Variants in SHLD1 observed in about 807,000 individuals in gnomAD.
SHLD1 encodes shieldin complex subunit 1, also known as RINN1-REV7-interacting novel NHEJ regulator 3.
In SHLD1, 3 loss-of-function variants were observed where a neutral mutation model predicts 5.5. That is an observed-to-expected ratio of 0.54 (90% CI 0.25 to 1.40). SHLD1 has a LOEUF of 1.40. SHLD1 is among the 40% of genes most tolerant of loss of function. SHLD1 has a pLI of 0.15. For missense variants in SHLD1, 210 were observed against 244.4 expected (o/e 0.86, Z 0.94); for synonymous variants, 92 against 94.3 (o/e 0.98, Z 0.14).
At chr20:5,785,270 A>G (rs6053684) in intron 2 of SHLD1, among the ~76,000 whole-genome samples, 8,658 of 152,244 alleles carry the variant, frequency 0.057, 335 homozygotes, top group African/African-American at 0.11. Context: ...GCACTGTGCT[A>G]TGCATTTCAC....
intron 2 of SHLD1, among the ~76,000 whole-genome samples, chr20:5,819,927 T>C (rs2087585704): frequency 6.6e-6 from 1 of 152,148 alleles, no homozygotes; most frequent in South Asian, 2.1e-4. Flanking sequence ...AATGAGGACT[T>C]GACAGTGTTT....
intron 2 of SHLD1, among the ~76,000 whole-genome samples, chr20:5,837,198 A>G (rs569354160): frequency 1.3e-5 from 2 of 152,256 alleles, no homozygotes; most frequent in African/African-American, 4.8e-5. Flanking sequence ...GTATGGGTAA[A>G]ATTAGGATAC....
chr20:5,813,945 C>CTTTTTT (rs143110037), intron 2 of SHLD1, among the ~76,000 whole-genome samples: 274 of 79,994 alleles, frequency 3.4e-3, no homozygotes, highest in African/African-American at 4.2e-3. Context: ...CCTTTTCTTT[C>CTTTTTT]TTTTTTTTTT....
rs146579284 is a variant in SHLD1, at chr20:5,834,893, G to A, written c.179-28131G>A. Reference sequence around the variant, plus strand: ...GCCTTTACATGGTGGAAGGGGCAGGGGGGCTTTCTGGGGTCTCCTTTATGA... The same window carrying A: ...GCCTTTACATGGTGGAAGGGGCAGGAGGGCTTTCTGGGGTCTCCTTTATGA... On this transcript the variant is annotated intron_variant, in intron 2 of 2. Transcript: ENST00000303142. Among the ~76,000 whole-genome samples, 400 of 152,252 alleles carry A rather than the reference G, an allele frequency of 2.6e-3. 2 individuals are homozygous for A. Among genetic ancestry groups the A allele is most frequent in the African/African-American group, 8.9e-3 (368 of 41,546 alleles).
chr20:5,854,843 C>A (rs566393877), intron 2 of SHLD1, among the ~76,000 whole-genome samples: 1 of 145,184 alleles, frequency 6.9e-6, no homozygotes, highest in Non-Finnish European at 1.5e-5. Context: ...CTTCTGGTAA[C>A]CACCATTCTG....
At position 5,779,761 on chromosome 20, in the gene SHLD1, G is replaced by GGC. The variant is rs1214736195; in HGVS notation, c.178+6719_178+6720dup. Among the ~76,000 whole-genome samples, 47 of 152,250 alleles carry GGC rather than the reference G, an allele frequency of 3.1e-4. 1 individual carries two copies. The highest frequency in any genetic ancestry group is 1.1e-3 in the African/African-American group (45 of 41,554). On this transcript the variant is annotated intron_variant, in intron 2 of 2. Transcript: ENST00000303142. The stretch of plus-strand genomic sequence containing the variant: ...GCCCATCCTGGTATTTACTCAGTGA[G>GGC]GCACACACTGTTGGCTACCTTCATG...
intron 2 of SHLD1, among the ~76,000 whole-genome samples, chr20:5,830,208 C>A (rs1054024349): frequency 6.6e-6 from 1 of 152,202 alleles, no homozygotes; most frequent in African/African-American, 2.4e-5. Flanking sequence ...ACGGCCCTAA[C>A]TAGAAACTCT....
intron 1 of SHLD1, among the ~76,000 whole-genome samples, chr20:5,753,186 A>T (rs1983864034): frequency 6.6e-6 from 1 of 152,204 alleles, no homozygotes; most frequent in Non-Finnish European, 1.5e-5. Context: ...GCCACATTAT[A>T]CCAGGTTAAT....
chr20:5,835,269 T>C (rs888020761), intron 2 of SHLD1, among the ~76,000 whole-genome samples: 1 of 152,184 alleles, frequency 6.6e-6, no homozygotes, highest in African/African-American at 2.4e-5. Flanking sequence ...TGATGGTGAT[T>C]TGGGATTGTT....
chr20:5,839,711 T>C (rs1365953225), intron 2 of SHLD1, among the ~76,000 whole-genome samples: 1 of 152,224 alleles, frequency 6.6e-6, no homozygotes, highest in Non-Finnish European at 1.5e-5. Flanking sequence ...GCATCCAACA[T>C]AGCTTCCCAA....
chr20:5,759,205 G>A (rs900998009), intron 1 of SHLD1, among the ~76,000 whole-genome samples: 2 of 150,912 alleles, frequency 1.3e-5, no homozygotes, highest in African/African-American at 2.4e-5. Flanking sequence ...CGCCCACCTC[G>A]GCCTCCCAAA....
At chr20:5,846,006 T>A (rs1342078739) in intron 2 of SHLD1, among the ~76,000 whole-genome samples, 1 of 152,232 alleles carries the variant, frequency 6.6e-6, no homozygotes, top group African/African-American at 2.4e-5. Flanking sequence ...TGATATGGAA[T>A]GAAATCTGTT....
chr20:5,804,459 A>G (rs758394546), intron 2 of SHLD1, among the ~76,000 whole-genome samples: 6 of 151,866 alleles, frequency 4.0e-5, no homozygotes, highest in Non-Finnish European at 5.9e-5. Context: ...TGTTTTTTAC[A>G]TGACCTTGTG....
intron 1 of SHLD1, among the ~76,000 whole-genome samples, chr20:5,756,279 CCATCTT>C (rs1437077974): frequency 6.6e-6 from 1 of 151,518 alleles, no homozygotes; most frequent in Non-Finnish European, 1.5e-5. Flanking sequence ...AGTGAGACCC[CCATCTT>C]TACAAAAAAA....
intron 2 of SHLD1, among the ~76,000 whole-genome samples, chr20:5,857,339 C>G (rs1299594790): frequency 6.6e-6 from 1 of 152,102 alleles, no homozygotes; most frequent in African/African-American, 2.4e-5. Flanking sequence ...TTTAGAGCCA[C>G]ACAAGCCCAG....
chr20:5,833,663 C>G (rs9753618), intron 2 of SHLD1, among the ~76,000 whole-genome samples: 24 of 150,450 alleles, frequency 1.6e-4, no homozygotes, highest in African/African-American at 4.9e-4. Flanking sequence ...GAGAGAGAGA[C>G]AGAGACAGGG....
At chr20:5,753,869 G>A (rs569745673) in intron 1 of SHLD1, among the ~76,000 whole-genome samples, 5 of 152,228 alleles carry the variant, frequency 3.3e-5, no homozygotes, top group East Asian at 1.9e-4. Flanking sequence ...GGGGAGATCC[G>A]TTCGGAACCC....
At chr20:5,800,191 T>C (rs962386755) in intron 2 of SHLD1, among the ~76,000 whole-genome samples, 16 of 152,160 alleles carry the variant, frequency 1.1e-4, no homozygotes, top group Non-Finnish European at 2.2e-4. Flanking sequence ...AGCCCAAACA[T>C]GTCAATAGTT....
At chr20:5,833,162 C>T (rs994646600) in intron 2 of SHLD1, among the ~76,000 whole-genome samples, 2 of 152,162 alleles carry the variant, frequency 1.3e-5, no homozygotes, top group Non-Finnish European at 2.9e-5. Flanking sequence ...ATAGACTCCT[C>T]GGCTTCTCTC....
Sources: gnomAD v4.1 joint callset for allele counts (sites outside exome capture counted in the v4.1 genomes callset) on GRCh38, gnomAD v4.1.1 for gene constraint, MANE v1.5 for transcripts, NCBI Gene and HGNC (gene_info 2026-07-23, HGNC 2026-07-21) for gene names.